TFEC: variants seen among roughly 807,000 people sequenced by gnomAD.
The protein encoded by TFEC is class E basic helix-loop-helix protein 34.
In TFEC, 31 loss-of-function variants were observed where a neutral mutation model predicts 41.6. The ratio of observed to expected loss-of-function variants is 0.74; its 90% confidence interval spans 0.56 to 1.01. TFEC has a LOEUF of 1.01. Among genes scored for constraint, TFEC ranks in the 50% least tolerant of loss-of-function variants. The pLI is 0.00. For missense variants in TFEC, 402 were observed against 404.1 expected (o/e 0.99, Z 0.04); for synonymous variants, 143 against 140.6 (o/e 1.02, Z -0.12).
At chr7:115,966,670 C>G (rs1198632583) in intron 3 of TFEC, among the ~76,000 whole-genome samples, 2 of 151,582 alleles carry the variant, frequency 1.3e-5, no homozygotes, top group East Asian at 3.9e-4. Flanking sequence ...TATTATCTAC[C>G]CTATAGGTAG....
chr7:116,114,784 A>G (rs1797938247), intron 1 of TFEC, among the ~76,000 whole-genome samples: 1 of 152,022 alleles, frequency 6.6e-6, no homozygotes, highest in African/African-American at 2.4e-5. Flanking sequence ...CTCGGTTGAG[A>G]CTGAAGCATG....
intron 1 of TFEC, among the ~76,000 whole-genome samples, chr7:116,014,718 G>A (rs993290408): frequency 5.9e-5 from 9 of 152,096 alleles, no homozygotes; most frequent in Non-Finnish European, 1.2e-4. Flanking sequence ...TGCAGACCTT[G>A]AGATGGATAG....
At position 116,155,833 on chromosome 7, in the gene TFEC, C is replaced by T. The variant is rs1396692016; in HGVS notation, c.-69+3957G>A. On this transcript the variant is annotated intron_variant, in intron 1 of 8. Coordinates refer to the TFEC transcript ENST00000484212. ...TCTACCTTACCAATAAAATAAAATG[C>T]CCTGCTTTTCCCCAGCTCTCAGATC... is the stretch of plus-strand genomic sequence containing the variant. Among the ~76,000 whole-genome samples the T allele has an allele frequency of 2.0e-5, 3 of 152,110 alleles. 1 individual carries two copies. Among genetic ancestry groups the T allele is most frequent in the South Asian group, 4.1e-4 (2 of 4,832 alleles).
At chr7:115,970,858 G>A (rs1160054769) in intron 3 of TFEC, among the ~76,000 whole-genome samples, 2 of 151,884 alleles carry the variant, frequency 1.3e-5, no homozygotes, top group African/African-American at 4.8e-5. Context: ...GCAGATACCA[G>A]GGTAATGCTT....
intron 1 of TFEC, among the ~76,000 whole-genome samples, chr7:116,001,336 C>A (rs1351694010): frequency 6.6e-6 from 1 of 151,746 alleles, no homozygotes; most frequent in African/African-American, 2.4e-5. Flanking sequence ...TATGAAACTA[C>A]TGAAAAAAAT....
chr7:115,974,087 CA>C (rs1554391600), intron 3 of TFEC, 82 bp downstream of exon 3: 14 of 1,114,406 alleles, frequency 1.3e-5, no homozygotes, highest in Non-Finnish European at 1.8e-5. Flanking sequence ...CAGAAAAAAG[CA>C]CCAGTTGCTA....
At chr7:116,110,651 G>T in intron 3 of TFEC, 2 of 1,128,294 alleles carry the variant, frequency 1.8e-6, no homozygotes, top group Middle Eastern at 2.2e-4. Context: ...CAGATTTTCA[G>T]AGGTAGTTAC....
chr7:116,078,809 A>C (rs931283264), intron 3 of TFEC, among the ~76,000 whole-genome samples: 1 of 152,182 alleles, frequency 6.6e-6, no homozygotes, highest in Non-Finnish European at 1.5e-5. Flanking sequence ...ATAAAGAGGG[A>C]ATCCTCCCTT....
intron 3 of TFEC, among the ~76,000 whole-genome samples, chr7:116,076,728 A>G (rs1396025586): frequency 1.4e-5 from 2 of 147,402 alleles, no homozygotes; most frequent in Non-Finnish European, 2.9e-5. Flanking sequence ...AAAGACAAAG[A>G]AAAAAGAATA....
intron 3 of TFEC, chr7:115,968,044 A>T (rs1792951943): frequency 1.3e-6 from 1 of 787,968 alleles, no homozygotes; most frequent in Admixed American, 3.4e-5. Flanking sequence ...TTGTCAATAC[A>T]GCAGAATATA....
intron 1 of TFEC, among the ~76,000 whole-genome samples, chr7:116,021,450 G>GA (rs1157042700): frequency 2.0e-5 from 3 of 152,144 alleles, no homozygotes; most frequent in African/African-American, 4.8e-5. Flanking sequence ...ATGCACAGGG[G>GA]AAAAATGTGA....
At chr7:116,108,931 A>G (rs1797782628) in intron 3 of TFEC, among the ~76,000 whole-genome samples, 1 of 152,104 alleles carries the variant, frequency 6.6e-6, no homozygotes, top group African/African-American at 2.4e-5. Flanking sequence ...CTAACTTTAA[A>G]AAACAGTCCT....
At chr7:116,082,796 A>G (rs1303620201) in intron 3 of TFEC, among the ~76,000 whole-genome samples, 1 of 151,954 alleles carries the variant, frequency 6.6e-6, no homozygotes, top group Non-Finnish European at 1.5e-5. Flanking sequence ...ACAAGGCTCT[A>G]TTTAAATGTT....
At chr7:116,043,000 A>G (rs577908779) in intron 3 of TFEC, among the ~76,000 whole-genome samples, 1 of 152,284 alleles carries the variant, frequency 6.6e-6, no homozygotes, top group African/African-American at 2.4e-5. Context: ...GAGTCTTTGT[A>G]CTCGTTAACT....
At chr7:115,951,073 T>C (rs1338302909) in intron 5 of TFEC, 124 bp from the exon 6 acceptor site, 4 of 461,404 alleles carry the variant, frequency 8.7e-6, no homozygotes, top group East Asian at 3.5e-5. Context: ...AGTCAAAAGA[T>C]AATACTTCTC....
At chr7:116,017,979 T>TTA in intron 1 of TFEC, among the ~76,000 whole-genome samples, 1 of 127,840 alleles carries the variant, frequency 7.8e-6, no homozygotes, top group South Asian at 2.7e-4. Context: ...ACATCCAGTG[T>TTA]TGGGCAAATA....
At chr7:116,095,553 G>A (rs1797432707) in intron 3 of TFEC, among the ~76,000 whole-genome samples, 1 of 152,134 alleles carries the variant, frequency 6.6e-6, no homozygotes, top group South Asian at 2.1e-4. Flanking sequence ...AGACTTTACT[G>A]TGATGTACCC....
chr7:115,990,220 T>C (rs956656461), intron 1 of TFEC, among the ~76,000 whole-genome samples: 1 of 152,104 alleles, frequency 6.6e-6, no homozygotes. Flanking sequence ...CAAAACCCCA[T>C]CTGTATGCCA....
intron 1 of TFEC, among the ~76,000 whole-genome samples, chr7:116,007,916 C>A (rs1267800316): frequency 1.3e-5 from 2 of 151,886 alleles, no homozygotes; most frequent in African/African-American, 2.4e-5. Flanking sequence ...TGGTAAAAGC[C>A]CTCAGCTAAT....
Sources: allele counts gnomAD v4.1 joint callset (sites outside exome capture counted in the v4.1 genomes callset), GRCh38; gene constraint gnomAD v4.1.1; transcripts MANE v1.5; gene names NCBI Gene and HGNC (gene_info 2026-07-23, HGNC 2026-07-21).